The following PAGE2B variants were observed in gnomAD, a reference collection of about 807,000 sequenced individuals.
PAGE2B encodes the protein PAGE family member 2B, also known as putative G antigen family E member 3.
Under a neutral mutation model 7.6 loss-of-function variants are expected in PAGE2B, and 5 were observed. The ratio of observed to expected loss-of-function variants is 0.66; its 90% CI spans 0.34 to 1.38. PAGE2B has a LOEUF of 1.38. Among genes scored for constraint, PAGE2B ranks in the 40% most tolerant of loss-of-function variants. The probability of loss-of-function intolerance (pLI) is 0.04; values close to 1 mark genes in which losing one functional copy is unlikely to be tolerated. For missense variants in PAGE2B, 70 were observed against 78.4 expected, an observed-to-expected ratio of 0.89 and a Z score of 0.41; for synonymous variants, 29 against 26.7, an observed-to-expected ratio of 1.09 and a Z score of -0.27.
chrX:55,030,545 T>C, the PAGE2B span, among the ~76,000 whole-genome samples: 1 of 109,184 alleles, frequency 9.2e-6, no homozygotes, highest in Non-Finnish European at 1.9e-5. Flanking sequence ...TCGTTCTTGA[T>C]AGAGAGGAAG....
At chrX:55,077,232 A>G (rs1936531588) in intron 3 of PAGE2B, among the ~76,000 whole-genome samples, 167 bp from the exon 4 acceptor site, 1 of 112,324 alleles carries the variant, frequency 8.9e-6, no homozygotes. Context: ...GGGAAAGGAA[A>G]GGGCAATGTT....
chrX:55,034,412 C>T, the PAGE2B span, among the ~76,000 whole-genome samples: 3 of 111,154 alleles, frequency 2.7e-5, no homozygotes, highest in Non-Finnish European at 3.8e-5. Context: ...TTTGTTTATA[C>T]GTTTTTTAAA....
chrX:55,048,832 C>T, the PAGE2B span, among the ~76,000 whole-genome samples: 1 of 111,384 alleles, frequency 9.0e-6, no homozygotes, highest in East Asian at 2.8e-4. Flanking sequence ...GCCAGAACTT[C>T]CAACACTATG....
the PAGE2B span, among the ~76,000 whole-genome samples, chrX:55,036,006 A>G: frequency 3.6e-5 from 4 of 111,683 alleles, no homozygotes; most frequent in Admixed American, 1.9e-4. Flanking sequence ...TCCTTGAAGA[A>G]GTCCTTCACA....
chrX:55,057,378 AT>A, the PAGE2B span, among the ~76,000 whole-genome samples: 1 of 112,024 alleles, frequency 8.9e-6, no homozygotes. Context: ...ATAAGCAAAG[AT>A]TTATTCATCC....
the PAGE2B span, among the ~76,000 whole-genome samples, chrX:55,036,408 G>T: frequency 9.0e-6 from 1 of 111,134 alleles, no homozygotes; most frequent in Non-Finnish European, 1.9e-5. Context: ...TCCAGTTTTT[G>T]TCCATTCAGT....
At chrX:55,054,274 C>T in the PAGE2B span, among the ~76,000 whole-genome samples, 1 of 111,696 alleles carries the variant, frequency 9.0e-6, no homozygotes, top group African/African-American at 3.3e-5. Flanking sequence ...ATCACAGTAG[C>T]GACAATAATG....
At chrX:55,030,147 T>A in the PAGE2B span, among the ~76,000 whole-genome samples, 1 of 111,309 alleles carries the variant, frequency 9.0e-6, no homozygotes, top group Admixed American at 9.6e-5. Flanking sequence ...ACAGGAAAAT[T>A]TAGAAGATCA....
chrX:55,049,055 T>G, the PAGE2B span, among the ~76,000 whole-genome samples: 1 of 111,956 alleles, frequency 8.9e-6, no homozygotes, highest in African/African-American at 3.2e-5. Context: ...CTGCATCTAT[T>G]GAGATAATCA....
chrX:55,035,886 T>C, the PAGE2B span, among the ~76,000 whole-genome samples: 1 of 112,069 alleles, frequency 8.9e-6, no homozygotes, highest in South Asian at 3.8e-4. Flanking sequence ...TAAATTACCT[T>C]GGGCAGTATG....
the PAGE2B span, among the ~76,000 whole-genome samples, chrX:55,041,175 G>A: frequency 1.0e-5 from 1 of 99,719 alleles, no homozygotes; most frequent in African/African-American, 3.8e-5. Flanking sequence ...TCCACCTCCC[G>A]GGTTCATGCC....
the PAGE2B span, among the ~76,000 whole-genome samples, chrX:55,067,416 G>A: frequency 8.9e-6 from 1 of 111,819 alleles, no homozygotes; most frequent in Non-Finnish European, 1.9e-5. Flanking sequence ...GTATTCCATG[G>A]TGTACATGTG....
At chrX:55,067,307 T>C in the PAGE2B span, among the ~76,000 whole-genome samples, 1 of 110,926 alleles carries the variant, frequency 9.0e-6, no homozygotes, top group Non-Finnish European at 1.9e-5. Context: ...CATGCAGTGT[T>C]TGTTTGTGTC....
the PAGE2B span, among the ~76,000 whole-genome samples, chrX:55,067,625 C>A: frequency 8.9e-6 from 1 of 111,825 alleles, no homozygotes; most frequent in Non-Finnish European, 1.9e-5. Flanking sequence ...TGAGGAATCA[C>A]CACACTGTCT....
the PAGE2B span, among the ~76,000 whole-genome samples, chrX:55,063,780 A>G: frequency 4.5e-5 from 5 of 111,416 alleles, no homozygotes; most frequent in South Asian, 7.5e-4. Flanking sequence ...GTTGAATTTT[A>G]CCAAATGCTT....
the PAGE2B span, among the ~76,000 whole-genome samples, chrX:55,035,696 C>A: frequency 8.9e-6 from 1 of 112,074 alleles, no homozygotes; most frequent in African/African-American, 3.2e-5. Context: ...ACTGTGTGAA[C>A]TTTGGGAGGT....
chrX:55,052,195 C>T, the PAGE2B span, among the ~76,000 whole-genome samples: 3 of 111,809 alleles, frequency 2.7e-5, no homozygotes, highest in Non-Finnish European at 5.6e-5. Context: ...AGTACCCGGC[C>T]GTGTGAGGTG....
chrX:55,040,468 A>T, the PAGE2B span, among the ~76,000 whole-genome samples: 1 of 111,578 alleles, frequency 9.0e-6, no homozygotes, highest in African/African-American at 3.3e-5. Flanking sequence ...AAGGGCATGA[A>T]CTCATCCAAA....
chrX:55,034,919 A>G, the PAGE2B span, among the ~76,000 whole-genome samples: 1 of 110,484 alleles, frequency 9.1e-6, no homozygotes, highest in Non-Finnish European at 1.9e-5. Flanking sequence ...CTGAGTCCCA[A>G]AGCTGAAGAA....
Sources: allele counts gnomAD v4.1 joint callset (sites outside exome capture counted in the v4.1 genomes callset), GRCh38; gene constraint gnomAD v4.1.1; transcripts MANE v1.5; gene names NCBI Gene and HGNC (gene_info 2026-07-23, HGNC 2026-07-21).